Variants in ACOXL observed in about 807,000 individuals in gnomAD.
ACOXL encodes the protein acyl-CoA oxidase like.
A neutral mutation model predicts 71.9 loss-of-function variants in ACOXL; 70 were observed. The observed-to-expected ratio is 0.97, with a 90% CI of 0.80 to 1.19. The LOEUF (loss-of-function observed/expected upper bound fraction) is 1.19, where lower values mean the gene tolerates loss of function less well. ACOXL is among the 50% of genes most tolerant of loss of function. ACOXL has a pLI of 0.00. For synonymous variants in ACOXL, 253 were observed against 281.6 expected (o/e 0.90, Z 1.02); for missense variants, 703 against 736.3 (o/e 0.95, Z 0.52).
intron 7 of ACOXL, among the ~76,000 whole-genome samples, chr2:110,799,779 A>G (rs192545756): frequency 1.3e-5 from 2 of 152,204 alleles, no homozygotes; most frequent in African/African-American, 4.8e-5. Flanking sequence ...GTAGCTAGCA[A>G]GGGGATTGTA....
chr2:110,740,219 C>T (rs777543999), intron 1 of ACOXL, among the ~76,000 whole-genome samples: 6 of 152,344 alleles, frequency 3.9e-5, no homozygotes, highest in Non-Finnish European at 8.8e-5. Flanking sequence ...GCATGGAAAA[C>T]GCTGACCAAT....
intron 9 of ACOXL, among the ~76,000 whole-genome samples, chr2:110,824,054 A>T (rs576475306): frequency 1.3e-5 from 2 of 152,178 alleles, no homozygotes; most frequent in Middle Eastern, 6.8e-3. Context: ...GGCCATATAG[A>T]TTTTATCCTT....
intron 14 of ACOXL, among the ~76,000 whole-genome samples, chr2:111,022,460 CAAGA>C (rs1342673488): frequency 2.7e-5 from 4 of 150,544 alleles, no homozygotes; most frequent in African/African-American, 7.5e-5. Flanking sequence ...AAGGCACACA[CAAGA>C]AAGAAAGTCA....
chr2:111,072,616 A>G (rs2067394211), intron 16 of ACOXL, among the ~76,000 whole-genome samples: 1 of 152,222 alleles, frequency 6.6e-6, no homozygotes, highest in Non-Finnish European at 1.5e-5. Flanking sequence ...TTACCTCAAC[A>G]TTGGCACTGC....
intron 17 of ACOXL, 110 bp downstream of exon 17, chr2:111,093,076 A>T: frequency 4.8e-6 from 4 of 831,620 alleles, no homozygotes; most frequent in Non-Finnish European, 7.6e-6. Context: ...ATGGATTTTT[A>T]TGCCTCTGGG....
chr2:110,814,815 C>T (rs1687735186), intron 9 of ACOXL, among the ~76,000 whole-genome samples: 1 of 152,152 alleles, frequency 6.6e-6, no homozygotes, highest in Non-Finnish European at 1.5e-5. Context: ...TTTTCTTATA[C>T]TCTATAAATT....
At chr2:110,762,568 G>T (rs962755832) in intron 1 of ACOXL, among the ~76,000 whole-genome samples, 1 of 152,208 alleles carries the variant, frequency 6.6e-6, no homozygotes, top group South Asian at 2.1e-4. Context: ...TAGTTTACTA[G>T]TATTGTCCTA....
Position 110,987,116 on chromosome 2 carries a change from G to A in ACOXL, c.1068G>A (p.Gly356=). The part of the protein sequence containing the change: ...CRECTGGMVV[G]RELLAQYTKQ... ...ATAAACTCTTTGCACAGGTTGTGGG[G>A]CGGGAACTGCTGGCCCAATACACCA... The change falls in exon 13 of 18, where the codon GGG becomes GGA. Residue 356 remains glycine (G), a synonymous_variant. Coordinates refer to ENST00000439055, the MANE Select transcript of ACOXL (RefSeq NM_001142807.4). 1 of 1,567,372 alleles carries A rather than the reference G, an allele frequency of 6.4e-7. No individual in the cohort carries two copies. The highest frequency in any genetic ancestry group is 8.7e-7 in the Non-Finnish European group (1 of 1,153,440).
chr2:111,017,240 G>C lies in ACOXL; in HGVS notation c.1282-14387G>C, dbSNP rs551505369. ...CCTGTTATTCTATTTTGCCCTGTCT[G>C]CACAAGGCCAGAGGGCAGGCCCTCG... is the stretch of plus-strand genomic sequence containing the variant. On this transcript the variant is annotated intron_variant, in intron 14 of 17. Transcript: ENST00000439055. 8.7e-4 allele frequency among the ~76,000 whole-genome samples: 133 copies of C among 152,356 alleles called. 1 individual carries two copies. The highest frequency in any genetic ancestry group is 3.0e-3 in the African/African-American group (126 of 41,580).
intron 5 of ACOXL, among the ~76,000 whole-genome samples, chr2:110,797,332 C>G (rs1248088943): frequency 3.9e-5 from 6 of 152,164 alleles, no homozygotes; most frequent in African/African-American, 1.4e-4. Flanking sequence ...ATGGTACATT[C>G]TAAGATTTTT....
chr2:110,742,013 C>G (rs1677611847), intron 1 of ACOXL, among the ~76,000 whole-genome samples: 1 of 152,164 alleles, frequency 6.6e-6, no homozygotes, highest in Admixed American at 6.5e-5. Context: ...CTCTGTGCCC[C>G]CTGACTGTGT....
chr2:111,080,523 T>C (rs1309482301), intron 16 of ACOXL, among the ~76,000 whole-genome samples: 1 of 152,126 alleles, frequency 6.6e-6, no homozygotes, highest in Non-Finnish European at 1.5e-5. Flanking sequence ...ATTGAGGCAA[T>C]AATTAATAGC....
At chr2:111,036,607 T>C (rs1264339503) in intron 15 of ACOXL, among the ~76,000 whole-genome samples, 12 of 152,128 alleles carry the variant, frequency 7.9e-5, no homozygotes, top group Admixed American at 7.9e-4. Flanking sequence ...GCAGTGCCTT[T>C]GGGAAAAAGG....
intron 11 of ACOXL, among the ~76,000 whole-genome samples, chr2:110,914,878 A>G (rs575179491): frequency 1.3e-5 from 2 of 152,254 alleles, no homozygotes; most frequent in African/African-American, 4.8e-5. Flanking sequence ...TAGGTGTTAC[A>G]TTGCCGGTAT....
At chr2:110,976,060 T>C (rs2062428906) in intron 12 of ACOXL, among the ~76,000 whole-genome samples, 1 of 152,168 alleles carries the variant, frequency 6.6e-6, no homozygotes, top group Non-Finnish European at 1.5e-5. Flanking sequence ...GTCTGGAGAT[T>C]GGCGGGACCC....
intron 3 of ACOXL, 76 bp downstream of exon 3, chr2:110,784,891 G>A (rs913357488): frequency 8.7e-6 from 12 of 1,387,106 alleles, no homozygotes; most frequent in African/African-American, 2.9e-5. Context: ...CTATAACCCC[G>A]TGAGCTCTCT....
intron 1 of ACOXL, among the ~76,000 whole-genome samples, chr2:110,766,180 T>C (rs1681040715): frequency 6.6e-6 from 1 of 152,240 alleles, no homozygotes; most frequent in African/African-American, 2.4e-5. Flanking sequence ...CATGTTGTGA[T>C]GTTCCTTGTT....
intron 10 of ACOXL, among the ~76,000 whole-genome samples, chr2:110,905,523 A>G (rs1307444395): frequency 3.3e-5 from 5 of 152,216 alleles, no homozygotes; most frequent in Non-Finnish European, 4.4e-5. Flanking sequence ...ATAGACTCAC[A>G]TAGAATGTCT....
chr2:110,895,319 A>G (rs1245239692), intron 10 of ACOXL, among the ~76,000 whole-genome samples: 1 of 152,198 alleles, frequency 6.6e-6, no homozygotes, highest in Non-Finnish European at 1.5e-5. Context: ...TAAAGAGGAC[A>G]GAGGAAAGAA....
Sources: allele counts gnomAD v4.1 joint callset (sites outside exome capture counted in the v4.1 genomes callset), GRCh38; gene constraint gnomAD v4.1.1; transcripts MANE v1.5; gene names NCBI Gene and HGNC (gene_info 2026-07-23, HGNC 2026-07-21).